TRAK1: variants seen among roughly 807,000 people sequenced by gnomAD.
The protein encoded by TRAK1 is trafficking kinesin protein 1.
In TRAK1, 33 loss-of-function variants were observed where a neutral mutation model predicts 92.1. The observed-to-expected ratio is 0.36, with a 90% CI of 0.27 to 0.48. TRAK1 has a LOEUF of 0.48. TRAK1 is among the 20% of genes least tolerant of loss of function. TRAK1 has a pLI of 0.99. For synonymous variants in TRAK1, 521 were observed against 517.3 expected (o/e 1.01, Z -0.10); for missense variants, 1,123 against 1,257.9 (o/e 0.89, Z 1.62).
rs111661038 is a variant in TRAK1 at position 42,113,823 on chromosome 3, G to A, written c.92-11597G>A. Reference sequence around the variant, plus strand: ...CCTGCCTCAGCCTCCCACAGTGTTGGGATTACATACGTGAGCCACTGGGCT... The same window carrying A: ...CCTGCCTCAGCCTCCCACAGTGTTGAGATTACATACGTGAGCCACTGGGCT... On this transcript the variant is annotated intron_variant, in intron 1 of 15. Coordinates refer to ENST00000327628, the MANE Select transcript of TRAK1 (RefSeq NM_001042646.3). Among the ~76,000 whole-genome samples the A allele has an allele frequency of 2.9e-3, 444 of 152,278 alleles. 3 individuals are homozygous for A. The highest frequency in any genetic ancestry group is 9.9e-3 in the African/African-American group (413 of 41,538).
intron 1 of TRAK1, among the ~76,000 whole-genome samples, chr3:42,072,185 G>A (rs1399128102): frequency 6.6e-6 from 1 of 151,982 alleles, no homozygotes; most frequent in African/African-American, 2.4e-5. Context: ...CTGGTTTGCT[G>A]GAGAAGCCCC....
Position 42,133,178 on chromosome 3 carries a change from C to G in TRAK1, c.286+7564C>G, listed in dbSNP as rs556323821. ...CTGGGTCATGCCGCTCCTTTGTTTC[C>G]CATTGCCCTTTGGATAAAATGCGGG... On this transcript the variant is annotated intron_variant, in intron 2 of 15. Coordinates refer to ENST00000327628, the MANE Select transcript of TRAK1 (RefSeq NM_001042646.3). 2.6e-5 allele frequency among the ~76,000 whole-genome samples: 4 copies of G among 152,214 alleles called. No individual in the cohort carries two copies. In the East Asian group the frequency reaches 7.7e-4, roughly 29 times the overall value.
chr3:42,140,456 G>A lies in TRAK1; in HGVS notation c.286+14842G>A, dbSNP rs886240511. On this transcript the variant is annotated intron_variant, in intron 2 of 15. Coordinates refer to ENST00000327628, the MANE Select transcript of TRAK1 (RefSeq NM_001042646.3). The stretch of plus-strand genomic sequence containing the variant: ...CATTCTGGCTCGATGGTGAAACCCC[G>A]TCTCTACTAAAAATACAAAAATTAG... Among the ~76,000 whole-genome samples, 22 of 152,060 alleles carry A rather than the reference G, an allele frequency of 1.4e-4. No homozygotes were observed. The South Asian group carries it at 1.9e-3, about 13-fold the overall frequency.
intron 1 of TRAK1, among the ~76,000 whole-genome samples, chr3:42,093,531 C>T (rs181292856): frequency 4.0e-4 from 60 of 151,846 alleles, no homozygotes; most frequent in African/African-American, 1.4e-3. Context: ...GGCCATAGTT[C>T]TCAAGTATTT....
intron 1 of TRAK1, among the ~76,000 whole-genome samples, chr3:42,015,338 T>A (rs1312864203): frequency 1.3e-5 from 2 of 152,142 alleles, no homozygotes; most frequent in Non-Finnish European, 2.9e-5. Context: ...TGGCAACAGT[T>A]GGGTTTCAGC....
At chr3:42,152,013 A>G (rs1700013904) in intron 2 of TRAK1, among the ~76,000 whole-genome samples, 2 of 152,242 alleles carry the variant, frequency 1.3e-5, no homozygotes, top group African/African-American at 2.4e-5. Flanking sequence ...AGAAATGTAT[A>G]TGGATGGGAA....
In TRAK1 at chr3:42,151,442, T is replaced by C. The variant is rs188560549; in HGVS notation, c.287-25372T>C. The C allele has an allele frequency of 9.9e-4, 435 of 438,936 alleles. 2 individuals are homozygous for C. Among genetic ancestry groups the C allele is most frequent in the African/African-American group, 7.6e-3 (371 of 48,786 alleles). 27.2% of individuals were successfully genotyped at this position (438,936 alleles called of 1,614,324 possible). The stretch of plus-strand genomic sequence containing the variant: ...GCTCAACTGTTCAAGGGTAAATATA[T>C]TGATTTATTTATTTCTGAATTATTG... On this transcript the variant is annotated intron_variant, in intron 2 of 15. Coordinates refer to ENST00000327628, the MANE Select transcript of TRAK1 (RefSeq NM_001042646.3).
intron 1 of TRAK1, among the ~76,000 whole-genome samples, chr3:42,108,882 T>TA (rs1707958119): frequency 6.6e-6 from 1 of 152,114 alleles, no homozygotes; most frequent in Non-Finnish European, 1.5e-5. Flanking sequence ...AAGCTTTATC[T>TA]ATGTGCTTTG....
upstream of TRAK1, among the ~76,000 whole-genome samples, chr3:42,085,169 C>CG (rs1238378838): frequency 3.3e-5 from 5 of 151,292 alleles, no homozygotes; most frequent in African/African-American, 1.2e-4. Context: ...GAAAAAAAAT[C>CG]ATTTTTTTTT....
intron 1 of TRAK1, among the ~76,000 whole-genome samples, chr3:42,037,586 A>T (rs1244168552): frequency 6.6e-6 from 1 of 152,240 alleles, no homozygotes; most frequent in African/African-American, 2.4e-5. Flanking sequence ...TGTAACTCTG[A>T]CAGTTTCTGT....
intron 1 of TRAK1, among the ~76,000 whole-genome samples, chr3:42,022,308 T>TA (rs1701750286): frequency 6.6e-6 from 1 of 152,242 alleles, no homozygotes; most frequent in African/African-American, 2.4e-5. Flanking sequence ...AGCAGATTGT[T>TA]ATTATTACAG....
At chr3:42,111,497 A>C (rs955673029) in intron 1 of TRAK1, among the ~76,000 whole-genome samples, 29 of 151,678 alleles carry the variant, frequency 1.9e-4, no homozygotes, top group African/African-American at 6.8e-4. Flanking sequence ...CCGGGTTCAC[A>C]ACATTACCCT....
chr3:42,096,906 G>A (rs2148994785), intron 1 of TRAK1, among the ~76,000 whole-genome samples: 1 of 152,342 alleles, frequency 6.6e-6, no homozygotes, highest in East Asian at 1.9e-4. Context: ...CAAGAAAAAT[G>A]CATACAGTTT....
intron 1 of TRAK1, among the ~76,000 whole-genome samples, chr3:42,059,805 G>C (rs769473513): frequency 2.0e-4 from 31 of 152,188 alleles, no homozygotes; most frequent in Non-Finnish European, 2.1e-4. Flanking sequence ...TTCACCGTTT[G>C]CTTGTGGTAC....
chr3:42,152,594 G>A (rs913795706), intron 2 of TRAK1, among the ~76,000 whole-genome samples: 2 of 152,196 alleles, frequency 1.3e-5, no homozygotes, highest in Non-Finnish European at 1.5e-5. Flanking sequence ...CATCACGTGT[G>A]TTTGGGAAAC....
chr3:42,041,497 C>A (rs1342630614), intron 1 of TRAK1, among the ~76,000 whole-genome samples: 1 of 151,732 alleles, frequency 6.6e-6, no homozygotes, highest in Non-Finnish European at 1.5e-5. Flanking sequence ...TGTATTTGTT[C>A]TAATAGTTTT....
chr3:42,022,680 C>G (rs1701762357), intron 1 of TRAK1, among the ~76,000 whole-genome samples: 1 of 151,352 alleles, frequency 6.6e-6, no homozygotes, highest in South Asian at 2.1e-4. Flanking sequence ...CATGATTACA[C>G]CATTGTACTC....
chr3:42,175,940 A>ATAT lies in TRAK1; in HGVS notation c.287-872_287-870dup, dbSNP rs1703150813. Among the ~76,000 whole-genome samples, 3 of 152,318 alleles carry ATAT rather than the reference A, an allele frequency of 2.0e-5. No individual in the cohort carries two copies. The South Asian group carries it at 6.2e-4, about 32-fold the overall frequency. On this transcript the variant is annotated intron_variant, in intron 2 of 15. Coordinates refer to ENST00000327628, the MANE Select transcript of TRAK1 (RefSeq NM_001042646.3). The stretch of plus-strand genomic sequence containing the variant: ...ACGTTGGCTGGCCATAAATCCATTT[A>ATAT]TATTCACTCCTCCCCCAATAGAATA...
At chr3:42,218,102 A>C in intron 14 of TRAK1, 3 of 985,362 alleles carry the variant, frequency 3.0e-6, no homozygotes, top group Non-Finnish European at 3.6e-6. Flanking sequence ...AGGGCAAACC[A>C]TCTTGCCTTG....
Sources: gnomAD v4.1 joint callset for allele counts (sites outside exome capture counted in the v4.1 genomes callset) on GRCh38, gnomAD v4.1.1 for gene constraint, MANE v1.5 for transcripts, NCBI Gene and HGNC (gene_info 2026-07-23, HGNC 2026-07-21) for gene names.